The following MDH1B variants were observed in gnomAD, a reference collection of about 807,000 sequenced individuals.
MDH1B encodes the protein putative malate dehydrogenase 1B.
In MDH1B, 60 loss-of-function variants were observed where a neutral mutation model predicts 61.4. The ratio of observed to expected loss-of-function variants is 0.98; its 90% CI spans 0.79 to 1.21. The LOEUF (loss-of-function observed/expected upper bound fraction) is 1.21. Among genes scored for constraint, MDH1B ranks in the 50% most tolerant of loss-of-function variants. MDH1B has a pLI of 0.00. For synonymous variants in MDH1B, 236 were observed against 218.7 expected (o/e 1.08, Z -0.70); for missense variants, 587 against 632.1 (o/e 0.93, Z 0.76).
Position 206,757,289 on chromosome 2 carries a change from C to A in MDH1B, c.218G>T (p.Gly73Val). ...PIIWRELLDR[G>V]GKGLLLGGYN... ...TCCTCCCAAAAGCAAACCCTTTCCTCCACGATCCAACAGCTCTCTCCAGAT... is the reference window on the plus strand; with the variant it reads ...TCCTCCCAAAAGCAAACCCTTTCCTACACGATCCAACAGCTCTCTCCAGAT... The change falls in exon 3 of 12, where the codon GGA becomes GTA. Residue 73 changes from glycine to valine, a missense_variant. Gly to Val is a moderately radical substitution (Grantham distance 109). Transcript: ENST00000374412. 1 of 1,613,996 alleles carries A rather than the reference C, an allele frequency of 6.2e-7. No homozygotes were observed. The highest frequency in any genetic ancestry group is 8.5e-7 in the Non-Finnish European group (1 of 1,179,920).
intron 9 of MDH1B, among the ~76,000 whole-genome samples, chr2:206,741,795 A>C (rs1347802134): frequency 6.6e-6 from 1 of 152,158 alleles, no homozygotes; most frequent in African/African-American, 2.4e-5. Context: ...ACAAAATATT[A>C]AGGATGGAGT....
chr2:206,764,297 C>CA (rs111631549), intron 1 of MDH1B, among the ~76,000 whole-genome samples: 30,112 of 132,706 alleles, frequency 0.23, 4,034 homozygotes, highest in East Asian at 0.7. Flanking sequence ...GAGCCTGTCT[C>CA]AAAAAAAAAA....
At chr2:206,759,610 C>T (rs1232110335) in intron 2 of MDH1B, among the ~76,000 whole-genome samples, 2 of 152,108 alleles carry the variant, frequency 1.3e-5, no homozygotes, top group African/African-American at 4.8e-5. Flanking sequence ...TATTTTTTGA[C>T]TTTTAAATAA....
chr2:206,756,741 A>G (rs1688781512), intron 4 of MDH1B, 157 bp downstream of exon 4: 1 of 669,018 alleles, frequency 1.5e-6, no homozygotes, highest in African/African-American at 1.8e-5. Flanking sequence ...ACACACACAG[A>G]GATGCATATG....
rs1687773551 is a variant in MDH1B, at chr2:206,740,964, G to T, written c.1459+90C>A. ...CAGTTATTTAAAACTTGCTTTGGTC[G>T]CTAGACCATAACATTATTCTCTAAC... On this transcript the variant is annotated intron_variant, in intron 10 of 11. Coordinates refer to ENST00000374412, the MANE Select transcript of MDH1B (RefSeq NM_001039845.3). 5 of 1,556,328 alleles carry T rather than the reference G, an allele frequency of 3.2e-6. No homozygotes were observed. The Admixed American group carries it at 9.3e-5, about 29-fold the overall frequency.
At chr2:206,756,829 A>T in intron 4 of MDH1B, 69 bp downstream of exon 4, 1 of 1,537,820 alleles carries the variant, frequency 6.5e-7, no homozygotes, top group Admixed American at 1.8e-5. Context: ...CATGAAATTA[A>T]TCCCATCTCA....
intron 1 of MDH1B, among the ~76,000 whole-genome samples, chr2:206,763,277 A>C (rs1689210660): frequency 6.6e-6 from 1 of 150,866 alleles, no homozygotes; most frequent in Non-Finnish European, 1.5e-5. Flanking sequence ...AATCTCTGCA[A>C]TTATTCAAAC....
chr2:206,739,230 C>T (rs1470942557), intron 11 of MDH1B, among the ~76,000 whole-genome samples: 1 of 151,970 alleles, frequency 6.6e-6, no homozygotes, highest in Middle Eastern at 3.2e-3. Context: ...GCCTGGGAAA[C>T]ATTGTGAGAC....
chr2:206,757,282 C>G lies in MDH1B; in HGVS notation c.225G>C (p.Lys75Asn), dbSNP rs780659306. ...IWRELLDRGG[K>N]GLLLGGYNEF... ...CATTATATCCTCCCAAAAGCAAACC[C>G]TTTCCTCCACGATCCAACAGCTCTC... Residue 75 changes from lysine (K) to asparagine (N), a missense_variant, in exon 3 of 12, where the codon AAG becomes AAC. Lys to Asn is a moderately conservative substitution (Grantham distance 94). Transcript: ENST00000374412. 6.2e-7 allele frequency: 1 copy of G among 1,613,904 alleles called. No homozygotes were observed. Among genetic ancestry groups the G allele is most frequent in the Admixed American group, 1.7e-5 (1 of 60,000 alleles).
At chr2:206,751,294 A>G (rs1263521049) in intron 5 of MDH1B, among the ~76,000 whole-genome samples, 1 of 152,146 alleles carries the variant, frequency 6.6e-6, no homozygotes, top group Non-Finnish European at 1.5e-5. Context: ...TATGAATGGT[A>G]TGGTGTATAA....
chr2:206,742,711 ATTTTTTT>A (rs59584383), intron 9 of MDH1B, among the ~76,000 whole-genome samples: 31 of 97,218 alleles, frequency 3.2e-4, no homozygotes, highest in Middle Eastern at 6.9e-3. Flanking sequence ...TGATGTCTCT[ATTTTTTT>A]TTTTTTTTTT....
At chr2:206,761,787 C>A (rs1288863316) in intron 1 of MDH1B, among the ~76,000 whole-genome samples, 2 of 152,056 alleles carry the variant, frequency 1.3e-5, no homozygotes, top group Non-Finnish European at 2.9e-5. Flanking sequence ...ATGCAGAGCC[C>A]TCTCTGTAGC....
intron 11 of MDH1B, among the ~76,000 whole-genome samples, 180 bp downstream of exon 11, chr2:206,739,412 TA>T (rs56210267): frequency 4.7e-4 from 68 of 145,858 alleles, no homozygotes; most frequent in South Asian, 8.7e-4. Context: ...GACCTTGTCT[TA>T]AAAAAAAAAA....
At chr2:206,739,535 TA>T in intron 11 of MDH1B, 57 bp downstream of exon 11, 1 of 1,456,872 alleles carries the variant, frequency 6.9e-7, no homozygotes, top group Non-Finnish European at 9.6e-7. Flanking sequence ...GATCCTCTAT[TA>T]CCCAGTTCCA....
intron 7 of MDH1B, among the ~76,000 whole-genome samples, chr2:206,746,673 T>A (rs1300570819): frequency 6.6e-6 from 1 of 152,210 alleles, no homozygotes; most frequent in Non-Finnish European, 1.5e-5. Context: ...GCTAATGCAG[T>A]CTTTCTCTTT....
intron 9 of MDH1B, among the ~76,000 whole-genome samples, chr2:206,742,738 A>G (rs1460310246): frequency 5.3e-5 from 7 of 132,468 alleles, no homozygotes; most frequent in African/African-American, 2.0e-4. Flanking sequence ...TTTTTTTGAG[A>G]CAGAGTCTCA....
intron 2 of MDH1B, among the ~76,000 whole-genome samples, chr2:206,758,175 C>T (rs1688870794): frequency 6.6e-6 from 1 of 152,184 alleles, no homozygotes; most frequent in Non-Finnish European, 1.5e-5. Context: ...AGGAAAGAGA[C>T]ATTACCCCAA....
chr2:206,741,145 T>C (rs1291581988), intron 9 of MDH1B, 41 bp from the exon 10 acceptor site: 2 of 1,610,720 alleles, frequency 1.2e-6, no homozygotes, highest in South Asian at 1.1e-5. Flanking sequence ...ATTTAGAATA[T>C]AACCAACAAC....
At chr2:206,738,708 G>T (rs1366243251) in intron 11 of MDH1B, among the ~76,000 whole-genome samples, 197 bp from the exon 12 acceptor site, 1 of 152,098 alleles carries the variant, frequency 6.6e-6, no homozygotes, top group Non-Finnish European at 1.5e-5. Context: ...AAAACTAATT[G>T]TGGCCTCTTC....
Sources: gnomAD v4.1 joint callset for allele counts (sites outside exome capture counted in the v4.1 genomes callset) on GRCh38, gnomAD v4.1.1 for gene constraint, MANE v1.5 for transcripts, NCBI Gene and HGNC (gene_info 2026-07-23, HGNC 2026-07-21) for gene names.